Variants in SLC6A7 observed in about 807,000 individuals in gnomAD.
SLC6A7 encodes the protein solute carrier family 6 member 7.
SLC6A7 carries 58 observed loss-of-function variants against 73.1 expected under a neutral mutation model. That is an observed-to-expected ratio of 0.79 (90% CI 0.64 to 0.99). The LOEUF (loss-of-function observed/expected upper bound fraction) is 0.99, where lower values mean the gene tolerates loss of function less well. Among genes scored for constraint, SLC6A7 ranks in the 50% least tolerant of loss-of-function variants. SLC6A7 has a pLI of 0.00. For synonymous variants in SLC6A7, 338 were observed against 338.7 expected (o/e 1.00, Z 0.02); for missense variants, 783 against 831.4 (o/e 0.94, Z 0.72).
At chr5:150,201,457 C>G (rs190853599) in intron 6 of SLC6A7, among the ~76,000 whole-genome samples, 103 of 152,278 alleles carry the variant, frequency 6.8e-4, no homozygotes, top group Non-Finnish European at 1.3e-3. Context: ...ACTGTTAAAT[C>G]TAGCTAATTA....
rs974500709 is a variant in SLC6A7, at chr5:150,190,130, A to G, written c.-198A>G. The stretch of plus-strand genomic sequence containing the variant: ...CCTTCCCCAGCCTCGGGCGCTGCGC[A>G]GGGACAGACAAGGCATTCGCAGCGC... On this transcript the variant is annotated 5_prime_UTR_variant, in exon 1 of 14. Coordinates refer to ENST00000230671, the MANE Select transcript of SLC6A7 (RefSeq NM_014228.5). 4.4e-5 allele frequency: 21 copies of G among 477,140 alleles called. No individual in the cohort carries two copies. Among genetic ancestry groups the G allele is most frequent in the Non-Finnish European group, 6.2e-5 (17 of 274,838 alleles). 29.6% of individuals were successfully genotyped at this position (477,140 alleles called of 1,614,324 possible). A position where few individuals can be genotyped will look rare whatever the true frequency, so the allele number is the denominator to read the frequency against.
intron 2 of SLC6A7, 65 bp downstream of exon 2, chr5:150,194,976 A>G (rs993709119): frequency 4.1e-6 from 6 of 1,446,124 alleles, no homozygotes; most frequent in Non-Finnish European, 5.7e-6. Context: ...GGGTACAGTG[A>G]GCTTTTAGGT....
chr5:150,202,288 C>A, intron 6 of SLC6A7, 59 bp from the exon 7 acceptor site: 1 of 1,170,790 alleles, frequency 8.5e-7, no homozygotes, highest in Non-Finnish European at 1.3e-6. Context: ...TCATTCACTG[C>A]CTTCCTTCTC....
intron 1 of SLC6A7, among the ~76,000 whole-genome samples, chr5:150,191,579 C>T (rs1000947919): frequency 1.1e-4 from 16 of 152,124 alleles, no homozygotes; most frequent in East Asian, 1.9e-4. Flanking sequence ...TATAGGCGCC[C>T]GCCACCACGC....
chr5:150,205,318 G>T (rs5024534), intron 12 of SLC6A7, 138 bp from the exon 13 acceptor site: 644,938 of 645,010 alleles, frequency 1, 322,434 homozygotes, highest in Middle Eastern at 1. Context: ...CCACTTCAGG[G>T]TTCGGTACAG....
chr5:150,204,624 G>A lies in SLC6A7; in HGVS notation c.1425G>A (p.Arg475=), dbSNP rs1445455976. Residue 475 remains arginine (R), a synonymous_variant, in exon 11 of 14, where the codon CGG becomes CGA. Transcript: ENST00000230671. ...VVITTCLAVT[R]VYGIQRFCRD... The stretch of plus-strand genomic sequence containing the variant: ...TCACCACGTGCCTTGCCGTGACACG[G>A]GTGTATGGTGAGAAGAGCCGTGGGA... 1 of 1,610,344 alleles carries A rather than the reference G, an allele frequency of 6.2e-7. No homozygotes were observed. The highest frequency in any genetic ancestry group is 1.3e-5 in the African/African-American group (1 of 74,866).
intron 5 of SLC6A7, 64 bp from the exon 6 acceptor site, chr5:150,201,025 T>A: frequency 6.3e-7 from 1 of 1,580,488 alleles, no homozygotes; most frequent in African/African-American, 1.4e-5. Context: ...ACAGATGAGT[T>A]TACAAGGAAT....
intron 1 of SLC6A7, among the ~76,000 whole-genome samples, 154 bp downstream of exon 1, chr5:150,190,514 A>G (rs902584670): frequency 2.6e-5 from 4 of 152,138 alleles, no homozygotes; most frequent in Non-Finnish European, 5.9e-5. Context: ...AGGGAGGGTC[A>G]GGGTCACGGT....
At chr5:150,199,546 G>T (rs537669043) in intron 5 of SLC6A7, among the ~76,000 whole-genome samples, 180 bp downstream of exon 5, 1 of 152,166 alleles carries the variant, frequency 6.6e-6, no homozygotes, top group African/African-American at 2.4e-5. Flanking sequence ...AGGTGAGGAC[G>T]CACGGGGGCA....
chr5:150,200,642 A>G (rs376311911), intron 5 of SLC6A7, among the ~76,000 whole-genome samples: 18 of 152,382 alleles, frequency 1.2e-4, no homozygotes, highest in East Asian at 5.8e-4. Context: ...AAGACAGGGT[A>G]GAAACCATAT....
rs746569092 is a variant in SLC6A7 at position 150,209,476 on chromosome 5, A to T, written c.1772A>T (p.Tyr591Phe). The change falls in exon 14 of 14, where the codon TAT becomes TTT. Residue 591 changes from tyrosine (Y) to phenylalanine (F), a missense_variant. Tyr to Phe is a conservative substitution (Grantham distance 22). Transcript: ENST00000230671. ...CTGGAGGAGAACCGGACGGGCATGT[A>T]TGTGGCCACGCTGGCTGGGAGCCAG... ...PSLEENRTGM[Y>F]VATLAGSQSP... 1.2e-6 allele frequency: 2 copies of T among 1,614,184 alleles called. No individual in the cohort carries two copies. Among genetic ancestry groups the T allele is most frequent in the South Asian group, 1.1e-5 (1 of 91,088 alleles).
rs527845785 is a variant in SLC6A7, at chr5:150,193,486, C to T, written c.34-1242C>T. ...CCCTACCTTGCCTGGTGGGGTTTGACCCCCCCAGCCAAGCTGTCAGCATGC... is the reference window on the plus strand; with the variant it reads ...CCCTACCTTGCCTGGTGGGGTTTGATCCCCCCAGCCAAGCTGTCAGCATGC... On this transcript the variant is annotated intron_variant, in intron 1 of 13. Transcript: ENST00000230671. Among the ~76,000 whole-genome samples, 9 of 152,002 alleles carry T rather than the reference C, an allele frequency of 5.9e-5. No individual in the cohort carries two copies. The South Asian group carries it at 1.7e-3, about 28-fold the overall frequency.
intron 13 of SLC6A7, among the ~76,000 whole-genome samples, chr5:150,207,348 C>T (rs1298888772): frequency 4.6e-5 from 7 of 152,110 alleles, no homozygotes; most frequent in Non-Finnish European, 1.0e-4. Flanking sequence ...CTCCGCCTCC[C>T]GGGTTCAAGT....
chr5:150,194,659 G>T, intron 1 of SLC6A7, 69 bp from the exon 2 acceptor site: 2 of 1,161,376 alleles, frequency 1.7e-6, no homozygotes, highest in Non-Finnish European at 2.5e-6. Flanking sequence ...CCAGAGTCTT[G>T]TCTTGAGGTC....
At chr5:150,190,493 A>G in intron 1 of SLC6A7, 133 bp downstream of exon 1, 1 of 579,114 alleles carries the variant, frequency 1.7e-6, no homozygotes, top group East Asian at 3.5e-5. Context: ...GGCCCGACTC[A>G]GCTGGATAAC....
rs753137243 is a variant in SLC6A7, at chr5:150,209,570, C to T, written c.1866C>T (p.Ile622=). 6.2e-7 allele frequency: 1 copy of T among 1,613,420 alleles called. No individual in the cohort carries two copies. Among genetic ancestry groups the T allele is most frequent in the Non-Finnish European group, 8.5e-7 (1 of 1,179,690 alleles). The change falls in exon 14 of 14, where the codon ATC becomes ATT. Residue 622 remains isoleucine, a synonymous_variant. Coordinates refer to ENST00000230671, the MANE Select transcript of SLC6A7 (RefSeq NM_014228.5). ...TCACCAGCTTCGAGAACACGGCCAT[C>T]GAGGTGGACCGTGAGATTGCAGAGG... ...GGITSFENTA[I]EVDREIAEEE...
Position 150,210,218 on chromosome 5 carries a change from G to T in SLC6A7, c.*603G>T. On this transcript the variant is annotated 3_prime_UTR_variant, in exon 14 of 14. Coordinates refer to ENST00000230671, the MANE Select transcript of SLC6A7 (RefSeq NM_014228.5). ...GGAGGTGGGAGCTGAGGGCCCTGGA[G>T]GATGGGGAAGGTTTGCAGAGAGAGG... The T allele has an allele frequency of 6.2e-6, 1 of 160,348 alleles. No homozygotes were observed. The highest frequency in any genetic ancestry group is 1.4e-5 in the Non-Finnish European group (1 of 72,536). The allele number at this position is 160,348 out of a possible 1,614,324, so 9.9% of individuals were successfully genotyped here.
Position 150,190,318 on chromosome 5 carries a change from G to C in SLC6A7, c.-10G>C, listed in dbSNP as rs934722787. 3 of 1,511,198 alleles carry C rather than the reference G, an allele frequency of 2.0e-6. No homozygotes were observed. Among genetic ancestry groups the C allele is most frequent in the African/African-American group, 2.9e-5 (2 of 69,174 alleles). The allele number at this position is 1,511,198 out of a possible 1,614,324, so 93.6% of individuals were successfully genotyped here. A position where few individuals can be genotyped will look rare whatever the true frequency, so the allele number is the denominator to read the frequency against. On this transcript the variant is annotated 5_prime_UTR_variant, in exon 1 of 14. Transcript: ENST00000230671. ...CGGGGCAGCTGAGCCCCGGCCACCCGCTCTCCAAGATGAAGAAGCTCCAGG... is the reference window on the plus strand; with the variant it reads ...CGGGGCAGCTGAGCCCCGGCCACCCCCTCTCCAAGATGAAGAAGCTCCAGG...
intron 3 of SLC6A7, 85 bp from the exon 4 acceptor site, chr5:150,196,957 G>T: frequency 6.5e-7 from 1 of 1,532,308 alleles, no homozygotes. Flanking sequence ...GTGAAGCCCA[G>T]ATAGCTGCCA....
Sources: gnomAD v4.1 joint callset for allele counts (sites outside exome capture counted in the v4.1 genomes callset) on GRCh38, gnomAD v4.1.1 for gene constraint, MANE v1.5 for transcripts, NCBI Gene and HGNC (gene_info 2026-07-23, HGNC 2026-07-21) for gene names.